The following ARHGAP44 variants were observed in gnomAD, a reference collection of about 807,000 sequenced individuals.
The protein encoded by ARHGAP44 is Rho GTPase activating protein 44.
In ARHGAP44, 43 loss-of-function variants were observed where a neutral mutation model predicts 106.8. That is an observed-to-expected ratio of 0.40 (90% CI 0.32 to 0.52). The LOEUF is 0.52. Among genes scored for constraint, ARHGAP44 ranks in the 20% least tolerant of loss-of-function variants. ARHGAP44 has a pLI of 0.48. For synonymous variants in ARHGAP44, 439 were observed against 410.3 expected, an observed-to-expected ratio of 1.07 and a Z score of -0.85; for missense variants, 866 against 1,050.5, an observed-to-expected ratio of 0.82 and a Z score of 2.43.
At chr17:12,845,506 C>CAAAAAAAAAAAAAA (rs748288660) in intron 1 of ARHGAP44, among the ~76,000 whole-genome samples, 2 of 67,934 alleles carry the variant, frequency 2.9e-5, no homozygotes, top group African/African-American at 1.1e-4. Flanking sequence ...GACTCCGTCT[C>CAAAAAAAAAAAAAA]AAAAAAAAAA....
intron 1 of ARHGAP44, among the ~76,000 whole-genome samples, chr17:12,876,239 C>A (rs904973566): frequency 6.6e-5 from 10 of 152,150 alleles, no homozygotes; most frequent in Non-Finnish European, 1.2e-4. Flanking sequence ...TTAAAAGCAT[C>A]CAATCCCAAA....
chr17:12,868,768 C>T (rs553851777), intron 1 of ARHGAP44, among the ~76,000 whole-genome samples: 1 of 151,166 alleles, frequency 6.6e-6, no homozygotes, highest in Non-Finnish European at 1.5e-5. Context: ...AGCAGTTCTC[C>T]TGCCTCAGCC....
rs183538543 is a variant in ARHGAP44 at position 12,922,097 on chromosome 17, A to G, written c.464+2266A>G. ...TGAAAAGAAATCCTTTCATGCTACC[A>G]TAAATTGGAAAGCAGTATCCTTTGC... On this transcript the variant is annotated intron_variant, in intron 6 of 20. Coordinates refer to ENST00000379672, the MANE Select transcript of ARHGAP44 (RefSeq NM_014859.6). Among the ~76,000 whole-genome samples, 349 of 152,332 alleles carry G rather than the reference A, an allele frequency of 2.3e-3. 3 individuals are homozygous for G. Among genetic ancestry groups the G allele is most frequent in the Middle Eastern group, 0.01 (3 of 294 alleles).
At position 12,958,830 on chromosome 17, in the gene ARHGAP44, G is replaced by A. The variant is rs1246118260; in HGVS notation, c.1456G>A (p.Glu486Lys). The change falls in exon 16 of 21, where the codon GAG (glutamate) becomes AAG (lysine). Residue 486 changes from glutamate to lysine, a missense_variant. Physicochemically the swap from Glu to Lys is moderately conservative, Grantham distance 56 (BLOSUM62 1). This residue lies in a region of ARHGAP44 where 448 missense variants were observed against 646.9 expected (regional missense o/e 0.69). Transcript: ENST00000379672. This position sits in a 1 kb window ranked among gnomAD's most constrained non-coding sequence, Gnocchi z 4.1. ...DMDPADRRQP[E>K]QARRPLSVAT... is the part of the protein sequence containing the mutation. ...GGACCCTGCTGACCGGCGCCAGCCC[G>A]AGCAGGCCCGCCGGCCCCTCAGCGT... The A allele has an allele frequency of 3.1e-6, 5 of 1,588,186 alleles. No homozygotes were observed. The highest frequency in any genetic ancestry group is 4.3e-6 in the Non-Finnish European group (5 of 1,168,598).
At chr17:12,938,582 T>TTTAAA (rs376200698) in intron 7 of ARHGAP44, among the ~76,000 whole-genome samples, 2 of 126,998 alleles carry the variant, frequency 1.6e-5, no homozygotes, top group Admixed American at 8.0e-5. Flanking sequence ...AGCTATATAT[T>TTTAAA]AAAAAAAAAA....
At chr17:12,975,310 A>AC (rs1413410999) in intron 18 of ARHGAP44, among the ~76,000 whole-genome samples, 1 of 151,104 alleles carries the variant, frequency 6.6e-6, no homozygotes, top group Non-Finnish European at 1.5e-5. Context: ...CATAGCAGCC[A>AC]CTTTTTTTTT....
At chr17:12,908,084 C>T (rs976221288) in intron 3 of ARHGAP44, among the ~76,000 whole-genome samples, 2 of 151,788 alleles carry the variant, frequency 1.3e-5, no homozygotes, top group Admixed American at 1.3e-4. Context: ...GCTCTTTGGC[C>T]ATCTATCTTT....
At chr17:12,911,457 C>G (rs753062248) in intron 4 of ARHGAP44, among the ~76,000 whole-genome samples, 10 of 152,110 alleles carry the variant, frequency 6.6e-5, no homozygotes, top group Non-Finnish European at 1.2e-4. Flanking sequence ...AGCTGACTCC[C>G]AAGCCAGAAG....
At chr17:12,867,041 A>G (rs2036255720) in intron 1 of ARHGAP44, among the ~76,000 whole-genome samples, 1 of 151,880 alleles carries the variant, frequency 6.6e-6, no homozygotes, top group African/African-American at 2.4e-5. Context: ...GCATATTCTG[A>G]TCTTCTATAA....
At chr17:12,973,821 C>T in intron 17 of ARHGAP44, 1 of 567,352 alleles carries the variant, frequency 1.8e-6, no homozygotes, top group East Asian at 3.1e-5. Context: ...CAGCTTGTGG[C>T]CGCCAGCGCT....
chr17:12,811,610 C>T (rs531210634), intron 1 of ARHGAP44, among the ~76,000 whole-genome samples: 7 of 152,212 alleles, frequency 4.6e-5, no homozygotes, highest in African/African-American at 1.7e-4. Context: ...GTATATACGT[C>T]TGAAATGGGG....
chr17:12,891,014 C>T (rs1399216420), intron 1 of ARHGAP44, among the ~76,000 whole-genome samples: 1 of 152,172 alleles, frequency 6.6e-6, no homozygotes, highest in African/African-American at 2.4e-5. Context: ...TTTTCATTCT[C>T]ATGTAAGACC....
chr17:12,971,590 C>T (rs927331955), intron 16 of ARHGAP44, among the ~76,000 whole-genome samples: 10 of 152,178 alleles, frequency 6.6e-5, no homozygotes, highest in African/African-American at 2.2e-4. Context: ...CGATGATCTT[C>T]GGCAGCCCGC....
rs1254746582 is a variant in ARHGAP44, at chr17:12,984,590, G to A, written c.1999G>A (p.Ala667Thr). The A allele has an allele frequency of 1.2e-6, 2 of 1,601,734 alleles. No individual in the cohort carries two copies. Among genetic ancestry groups the A allele is most frequent in the Admixed American group, 1.7e-5 (1 of 59,076 alleles). The change falls in exon 20 of 21, where the codon GCA becomes ACA. Residue 667 changes from alanine to threonine, a missense_variant. Ala to Thr is a moderately conservative substitution (Grantham distance 58). This residue lies in a region of ARHGAP44 where 418 missense variants were observed against 403.6 expected (regional missense o/e 1.04). Coordinates refer to ENST00000379672, the MANE Select transcript of ARHGAP44 (RefSeq NM_014859.6). Reference protein sequence around the residue: ...KVPFGQPGAMADQSAGQPSPV... With the variant: ...KVPFGQPGAMTDQSAGQPSPV... ...CCCCTTTGGCCAGCCGGGGGCTATG[G>A]CAGACCAGTCCGCTGGCCAGCCGTC...
At chr17:12,986,893 T>A in intron 20 of ARHGAP44, 3 of 566,914 alleles carry the variant, frequency 5.3e-6, no homozygotes, top group Non-Finnish European at 9.4e-6. Flanking sequence ...CCTCGCCCTG[T>A]GCGGACCCTA....
chr17:12,894,241 A>AGTGTGTGT (rs60415791), intron 1 of ARHGAP44, among the ~76,000 whole-genome samples: 7 of 147,994 alleles, frequency 4.7e-5, no homozygotes, highest in African/African-American at 1.8e-4. Flanking sequence ...AGAGAGAGAG[A>AGTGTGTGT]GTGTGTGTGT....
Position 12,798,752 on chromosome 17 carries a change from G to T in ARHGAP44, c.53+8861G>T, listed in dbSNP as rs192167958. ...TTTTGTTAATTGTGTAAAATGAGTT[G>T]TTCAATGTTCTTTTTGTTCCTATAG... On this transcript the variant is annotated intron_variant, in intron 1 of 20. Transcript: ENST00000379672. Among the ~76,000 whole-genome samples, 318 of 152,130 alleles carry T rather than the reference G, an allele frequency of 2.1e-3. 1 individual carries two copies. The highest frequency in any genetic ancestry group is 7.5e-3 in the African/African-American group (313 of 41,502).
At chr17:12,822,257 A>G (rs1334086329) in intron 1 of ARHGAP44, among the ~76,000 whole-genome samples, 2 of 152,234 alleles carry the variant, frequency 1.3e-5, no homozygotes, top group Non-Finnish European at 2.9e-5. Flanking sequence ...AGTTATAATC[A>G]TGGATATTTG....
chr17:12,943,692 G>A, intron 9 of ARHGAP44, 23 bp downstream of exon 9: 3 of 1,609,896 alleles, frequency 1.9e-6, no homozygotes, highest in Non-Finnish European at 2.5e-6. Context: ...CTTCCCTGGA[G>A]AAGGGAGGGC....
Sources: gnomAD v4.1 joint callset for allele counts (sites outside exome capture counted in the v4.1 genomes callset) on GRCh38, gnomAD v4.1.1 for gene constraint, gnomAD v4.1.1 regional missense constraint, Gnocchi (gnomAD v3.1) non-coding constraint, MANE v1.5 for transcripts, NCBI Gene and HGNC (gene_info 2026-07-23, HGNC 2026-07-21) for gene names.